Variants in RBFOX1 observed in about 807,000 individuals in gnomAD.
RBFOX1 encodes the protein RNA binding protein fox-1 homolog 1.
A neutral mutation model predicts 57.7 loss-of-function variants in RBFOX1; 8 were observed. The observed-to-expected ratio is 0.14, with a 90% CI of 0.08 to 0.25. RBFOX1 has a LOEUF of 0.25. Ranked by LOEUF, RBFOX1 falls within the 10% of genes least tolerant of loss-of-function variation. The pLI is 1.00. For synonymous variants in RBFOX1, 326 were observed against 222.4 expected, an observed-to-expected ratio of 1.47 and a Z score of -4.15; for missense variants, 611 against 548.5, an observed-to-expected ratio of 1.11 and a Z score of -1.14.
At chr16:5,325,533 G>A (rs1402046402) in intron 1 of RBFOX1, among the ~76,000 whole-genome samples, 2 of 152,108 alleles carry the variant, frequency 1.3e-5, no homozygotes, top group Non-Finnish European at 2.9e-5. Flanking sequence ...TATCACTATA[G>A]TCAGGGTAAA....
chr16:7,012,893 A>T (rs2093719386), intron 3 of RBFOX1, among the ~76,000 whole-genome samples: 1 of 152,140 alleles, frequency 6.6e-6, no homozygotes, highest in Non-Finnish European at 1.5e-5. Context: ...GGAGGCTGGA[A>T]GTTCAAGATC....
intron 3 of RBFOX1, among the ~76,000 whole-genome samples, chr16:6,954,382 C>A (rs1030180379): frequency 6.6e-6 from 1 of 152,060 alleles, no homozygotes; most frequent in Non-Finnish European, 1.5e-5. Context: ...GTAGTTCCGG[C>A]ATGCATAGAT....
At chr16:7,006,812 T>C (rs1340808332) in intron 3 of RBFOX1, among the ~76,000 whole-genome samples, 2 of 152,182 alleles carry the variant, frequency 1.3e-5, no homozygotes, top group African/African-American at 4.8e-5. Flanking sequence ...TTAAGTCACC[T>C]GCCCAAGAAC....
intron 2 of RBFOX1, among the ~76,000 whole-genome samples, chr16:5,500,625 TAA>T (rs1403147390): frequency 2.6e-5 from 4 of 152,194 alleles, no homozygotes; most frequent in Non-Finnish European, 5.9e-5. Flanking sequence ...TCTCTCAACC[TAA>T]GTCACTCTAT....
At chr16:6,702,991 G>T (rs1210365025) in intron 3 of RBFOX1, among the ~76,000 whole-genome samples, 1 of 152,150 alleles carries the variant, frequency 6.6e-6, no homozygotes, top group Non-Finnish European at 1.5e-5. Flanking sequence ...CGATGTTCTA[G>T]GTACGTTATC....
intron 3 of RBFOX1, among the ~76,000 whole-genome samples, chr16:6,916,740 C>T (rs978965188): frequency 1.3e-5 from 2 of 152,148 alleles, no homozygotes; most frequent in Non-Finnish European, 2.9e-5. Context: ...GCTCGGATTA[C>T]TTCCAGCTTT....
intron 4 of RBFOX1, among the ~76,000 whole-genome samples, chr16:7,193,460 T>G (rs2085923869): frequency 6.6e-6 from 1 of 152,210 alleles, no homozygotes; most frequent in Admixed American, 6.5e-5. Flanking sequence ...TTTAAAGCCA[T>G]CATGTTTGAG....
chr16:6,804,576 C>G (rs1326555989), intron 3 of RBFOX1, among the ~76,000 whole-genome samples: 2 of 152,076 alleles, frequency 1.3e-5, no homozygotes, highest in African/African-American at 4.8e-5. Context: ...ACTGTGGAAG[C>G]TAGGAAGATT....
chr16:6,875,569 G>T (rs1009473594), intron 3 of RBFOX1, among the ~76,000 whole-genome samples: 9 of 152,228 alleles, frequency 5.9e-5, no homozygotes, highest in African/African-American at 2.2e-4. Context: ...CGTGGTTAAG[G>T]AAAATAGTAG....
chr16:5,569,477 T>TTTC (rs1555467702), intron 2 of RBFOX1, among the ~76,000 whole-genome samples: 2 of 143,194 alleles, frequency 1.4e-5, no homozygotes, highest in East Asian at 2.2e-4. Context: ...TCTTCTTCTT[T>TTTC]TTGGAGTACT....
intron 2 of RBFOX1, among the ~76,000 whole-genome samples, chr16:6,569,594 C>A (rs868196794): frequency 6.6e-6 from 1 of 152,168 alleles, no homozygotes; most frequent in Non-Finnish European, 1.5e-5. Context: ...ATAGTTGCGA[C>A]GTGGAGAAAT....
intron 3 of RBFOX1, among the ~76,000 whole-genome samples, chr16:5,657,622 C>CTCTTTCTTTCTTTCTTTCTTTCTT (rs913576502): frequency 1.9e-5 from 2 of 102,998 alleles, no homozygotes; most frequent in African/African-American, 8.8e-5. Flanking sequence ...CTTTCTTTCT[C>CTCTTTCTTTCTTTCTTTCTTTCTT]TCTTTCTTTC....
chr16:7,541,039 G>C (rs918717464), intron 5 of RBFOX1, among the ~76,000 whole-genome samples: 1 of 152,164 alleles, frequency 6.6e-6, no homozygotes, highest in African/African-American at 2.4e-5. Context: ...CCAAGACCCA[G>C]AATGTTTCCT....
chr16:6,378,001 A>G (rs1487386084), intron 2 of RBFOX1, among the ~76,000 whole-genome samples: 2 of 152,106 alleles, frequency 1.3e-5, no homozygotes, highest in Admixed American at 1.3e-4. Context: ...TTAAAATCCA[A>G]ACGAGGTGAT....
chr16:5,779,681 T>C (rs1314406647), intron 3 of RBFOX1, among the ~76,000 whole-genome samples: 2 of 152,178 alleles, frequency 1.3e-5, no homozygotes, highest in East Asian at 3.9e-4. Flanking sequence ...AAAGGAGTTA[T>C]TTTTATAGAT....
chr16:5,262,491 A>T (rs1380375630), intron 1 of RBFOX1, among the ~76,000 whole-genome samples: 5 of 152,150 alleles, frequency 3.3e-5, no homozygotes, highest in Non-Finnish European at 1.5e-5. Context: ...CTGAGTTTAG[A>T]TGTGGACTCG....
At chr16:5,530,152 G>A (rs898200870) in intron 2 of RBFOX1, among the ~76,000 whole-genome samples, 1 of 152,122 alleles carries the variant, frequency 6.6e-6, no homozygotes, top group Non-Finnish European at 1.5e-5. Flanking sequence ...CACCCTTAGA[G>A]CCTGAGAGCT....
At chr16:6,824,448 G>A (rs2091833990) in intron 3 of RBFOX1, among the ~76,000 whole-genome samples, 1 of 152,164 alleles carries the variant, frequency 6.6e-6, no homozygotes, top group Non-Finnish European at 1.5e-5. Context: ...GGCAACTCAA[G>A]ATGTTCTATT....
At chr16:7,611,717 A>G (rs143415623) in intron 10 of RBFOX1, among the ~76,000 whole-genome samples, 94 of 152,142 alleles carry the variant, frequency 6.2e-4, no homozygotes, top group African/African-American at 2.1e-3. Context: ...TTTAATTACT[A>G]TTTGCATTGA....
Sources: gnomAD v4.1 joint callset for allele counts (sites outside exome capture counted in the v4.1 genomes callset) on GRCh38, gnomAD v4.1.1 for gene constraint, MANE v1.5 for transcripts, NCBI Gene and HGNC (gene_info 2026-07-23, HGNC 2026-07-21) for gene names.